The following LAMB4 variants were observed in gnomAD, a reference collection of about 807,000 sequenced individuals.
The protein encoded by LAMB4 is laminin subunit beta 4.
A neutral mutation model predicts 199.2 loss-of-function variants in LAMB4; 196 were observed. That is an observed-to-expected ratio of 0.98 (90% confidence interval 0.88 to 1.11). The LOEUF is 1.11. Among genes scored for constraint, LAMB4 ranks in the 50% least tolerant of loss-of-function variants. The probability of loss-of-function intolerance (pLI) is 0.00; values close to 1 mark genes in which losing one functional copy is unlikely to be tolerated. For synonymous variants in LAMB4, 744 were observed against 770.6 expected (o/e 0.97, Z 0.57); for missense variants, 2,080 against 2,171.2 (o/e 0.96, Z 0.83).
At chr7:108,022,385 A>T (rs184140636), downstream of LAMB4, among the ~76,000 whole-genome samples, 11 of 152,336 alleles carry the variant, frequency 7.2e-5, no homozygotes, top group African/African-American at 2.6e-4. Context: ...CTTAACATAC[A>T]GGTTCCACAG....
chr7:108,085,718 A>T (rs532878753), intron 14 of LAMB4, among the ~76,000 whole-genome samples: 1 of 151,962 alleles, frequency 6.6e-6, no homozygotes, highest in South Asian at 2.1e-4. Flanking sequence ...GGTTCACGCC[A>T]TTCTCCTGCC....
At chr7:108,076,593 G>A (rs2150572799) in intron 17 of LAMB4, among the ~76,000 whole-genome samples, 1 of 152,246 alleles carries the variant, frequency 6.6e-6, no homozygotes, top group East Asian at 1.9e-4. Flanking sequence ...TGCTGTCGTG[G>A]CTCAGGGCAG....
chr7:108,077,895 G>A (rs1387854277), intron 16 of LAMB4, among the ~76,000 whole-genome samples: 1 of 152,158 alleles, frequency 6.6e-6, no homozygotes, highest in African/African-American at 2.4e-5. Flanking sequence ...TTTAGAGTCA[G>A]GATATCCTGG....
chr7:108,084,725 A>G (rs117603095), intron 14 of LAMB4, among the ~76,000 whole-genome samples: 2,159 of 151,496 alleles, frequency 0.014, 27 homozygotes, highest in Middle Eastern at 0.031. Flanking sequence ...TGTTAGAACC[A>G]GACTTGTTTT....
intron 15 of LAMB4, 117 bp downstream of exon 15, chr7:108,079,484 T>C (rs1354790696): frequency 1.1e-6 from 1 of 892,564 alleles, no homozygotes; most frequent in East Asian, 2.6e-5. Context: ...TCCCCAGATG[T>C]TCACTTTTTA....
intron 23 of LAMB4, among the ~76,000 whole-genome samples, chr7:108,060,288 A>G (rs967880482): frequency 6.6e-6 from 1 of 152,192 alleles, no homozygotes; most frequent in South Asian, 2.1e-4. Context: ...TGCTACAAAC[A>G]TGCTTCCCAA....
At chr7:108,090,522 T>C (rs531556417) in intron 14 of LAMB4, among the ~76,000 whole-genome samples, 1 of 152,240 alleles carries the variant, frequency 6.6e-6, no homozygotes, top group African/African-American at 2.4e-5. Flanking sequence ...GAAATCAGCA[T>C]TGTTTCAGAT....
chr7:108,051,560 A>G (rs2035826743), intron 26 of LAMB4, among the ~76,000 whole-genome samples: 1 of 152,194 alleles, frequency 6.6e-6, no homozygotes, highest in African/African-American at 2.4e-5. Context: ...TTTCTCTTGC[A>G]AATTATCTTG....
Position 108,037,462 on chromosome 7 carries a change from G to A in LAMB4, c.4605C>T (p.Tyr1535=). The A allele has an allele frequency of 3.1e-6, 5 of 1,614,106 alleles. No individual in the cohort carries two copies. Among genetic ancestry groups the A allele is most frequent in the Non-Finnish European group, 4.2e-6 (5 of 1,180,014 alleles). Residue 1535 remains tyrosine, a synonymous_variant, in exon 30 of 34, where the codon TAC becomes TAT. Coordinates refer to ENST00000388781, the MANE Select transcript of LAMB4 (RefSeq NM_007356.3). ...CATTTAACCTGTTTTCATCTGTCCT[G>A]TAATCCTCACAGAGTTGCATATGTT... The part of the protein sequence containing the change: ...IQKHMQLCED[Y]RTDENRLNEE...
At chr7:108,055,393 G>A (rs1006315291) in intron 25 of LAMB4, among the ~76,000 whole-genome samples, 2 of 152,044 alleles carry the variant, frequency 1.3e-5, no homozygotes, top group African/African-American at 4.8e-5. Flanking sequence ...CTCCATGTTG[G>A]CCAGGCTGGT....
chr7:108,093,059 T>A (rs1197342311), intron 12 of LAMB4, among the ~76,000 whole-genome samples: 1 of 152,180 alleles, frequency 6.6e-6, no homozygotes, highest in African/African-American at 2.4e-5. Context: ...TCTACCAGCC[T>A]ATGTGTAACT....
At chr7:108,060,923 G>A (rs1356096034) in intron 23 of LAMB4, among the ~76,000 whole-genome samples, 2 of 152,196 alleles carry the variant, frequency 1.3e-5, no homozygotes, top group Non-Finnish European at 2.9e-5. Flanking sequence ...CACAGTAGAA[G>A]AAGGAGGAAA....
At chr7:108,069,948 A>G in intron 17 of LAMB4, 63 bp from the exon 18 acceptor site, 1 of 1,334,738 alleles carries the variant, frequency 7.5e-7, no homozygotes, top group South Asian at 1.5e-5. Context: ...TTCTACTTAC[A>G]TATAAAAAAA....
At chr7:108,029,015 T>G (rs1419587861) in intron 33 of LAMB4, 28 bp downstream of exon 33, 2 of 1,596,772 alleles carry the variant, frequency 1.3e-6, no homozygotes, top group East Asian at 2.2e-5. Context: ...TATTATCAAA[T>G]TGGCAGGATG....
chr7:108,062,991 C>T lies in LAMB4; in HGVS notation c.3065G>A (p.Cys1022Tyr). 6.4e-7 allele frequency: 1 copy of T among 1,557,714 alleles called. No individual in the cohort carries two copies. The highest frequency in any genetic ancestry group is 8.7e-7 in the Non-Finnish European group (1 of 1,154,874). The part of the protein sequence containing the change: ...GSALNQTCRR[C>Y]SCHASGVSPM... ...ACTCACGCCGGAAGCATGGCAGGAGCATCCTGTGATGACAAAACCATCATC... is the reference window on the plus strand; with the variant it reads ...ACTCACGCCGGAAGCATGGCAGGAGTATCCTGTGATGACAAAACCATCATC... The change falls in exon 23 of 34, where the codon TGC becomes TAC. Residue 1022 changes from cysteine (C) to tyrosine (Y), a missense_variant. Coordinates refer to ENST00000388781, the MANE Select transcript of LAMB4 (RefSeq NM_007356.3).
chr7:108,025,384 T>TTTC lies in LAMB4; in HGVS notation c.5147-1207_5147-1206insGAA, dbSNP rs1446540073. ...CTAGATTCTTTCTTTCTTTCTTTTCTTTTCTTTTCTTTCTTTCTTTCTTTC... is the reference window on the plus strand; with the variant it reads ...CTAGATTCTTTCTTTCTTTCTTTTCTTTCTTTCTTTTCTTTCTTTCTTTCTTTC... On this transcript the variant is annotated intron_variant, in intron 33 of 33. Transcript: ENST00000388781. Among the ~76,000 whole-genome samples the TTTC allele has an allele frequency of 3.8e-3, 383 of 101,816 alleles. 116 individuals are homozygous for TTTC. The highest frequency in any genetic ancestry group is 0.032 in the African/African-American group (334 of 10,484). The allele number at this position is 101,816 out of a possible 152,430, so 66.8% of individuals were successfully genotyped here. A position where few individuals can be genotyped will look rare whatever the true frequency, so the allele number is the denominator to read the frequency against.
the LAMB4 span, among the ~76,000 whole-genome samples, chr7:108,017,778 G>A: frequency 6.6e-6 from 1 of 152,220 alleles, no homozygotes; most frequent in Admixed American, 6.5e-5. Context: ...GAATGCAGGT[G>A]TAACTTACAC....
At chr7:108,051,961 C>T (rs533302499) in intron 26 of LAMB4, 136 bp downstream of exon 26, 2 of 592,052 alleles carry the variant, frequency 3.4e-6, no homozygotes, top group Non-Finnish European at 5.7e-6. Context: ...CAAATAATAC[C>T]TTTAATGGTT....
intron 3 of LAMB4, 61 bp from the exon 4 acceptor site, chr7:108,112,007 A>T: frequency 7.2e-7 from 1 of 1,389,538 alleles, no homozygotes. Context: ...GTTGGGCTAA[A>T]TTAAAGGCAA....
Sources: gnomAD v4.1 joint callset for allele counts (sites outside exome capture counted in the v4.1 genomes callset) on GRCh38, gnomAD v4.1.1 for gene constraint, MANE v1.5 for transcripts, NCBI Gene and HGNC (gene_info 2026-07-23, HGNC 2026-07-21) for gene names.